Variants in EXPH5 observed in about 807,000 individuals in gnomAD.
EXPH5 encodes exophilin-5.
Under a neutral mutation model 41.1 loss-of-function variants are expected in EXPH5, and 42 were observed. That is an observed-to-expected ratio of 1.02 (90% CI 0.80 to 1.32). The LOEUF (loss-of-function observed/expected upper bound fraction) is 1.32. Ranked by LOEUF, EXPH5 falls within the 40% of genes most tolerant of loss-of-function variation. The probability of loss-of-function intolerance (pLI) is 0.00; values close to 1 mark genes in which losing one functional copy is unlikely to be tolerated. For synonymous variants in EXPH5, 798 were observed against 833.5 expected (o/e 0.96, Z 0.73); for missense variants, 2,298 against 2,314.5 (o/e 0.99, Z 0.15).
At chr11:108,570,968 T>C (rs534450703) in intron 1 of EXPH5, among the ~76,000 whole-genome samples, 1 of 152,368 alleles carries the variant, frequency 6.6e-6, no homozygotes, top group South Asian at 2.1e-4. Context: ...TTTACATTTA[T>C]GTATTGTTTT....
intron 3 of EXPH5, among the ~76,000 whole-genome samples, chr11:108,537,073 A>G (rs1405107530): frequency 1.3e-5 from 2 of 152,070 alleles, no homozygotes; most frequent in African/African-American, 4.8e-5. Flanking sequence ...TTGATTTTCT[A>G]TTTCAGATCA....
chr11:108,600,474 G>C, the EXPH5 span, among the ~76,000 whole-genome samples: 1 of 152,000 alleles, frequency 6.6e-6, no homozygotes, highest in Non-Finnish European at 1.5e-5. Context: ...AATGTGACTG[G>C]CACAGTATGC....
chr11:108,541,215 A>T (rs1156290279), intron 2 of EXPH5, among the ~76,000 whole-genome samples: 1 of 152,126 alleles, frequency 6.6e-6, no homozygotes, highest in Non-Finnish European at 1.5e-5. Flanking sequence ...TGCCCAGCTT[A>T]ATACATTATA....
chr11:108,570,781 A>G (rs2094056781), intron 1 of EXPH5, among the ~76,000 whole-genome samples: 1 of 152,216 alleles, frequency 6.6e-6, no homozygotes, highest in African/African-American at 2.4e-5. Context: ...CCTGGCTTCA[A>G]GTGATCCTCC....
intron 4 of EXPH5, among the ~76,000 whole-genome samples, chr11:108,520,053 G>A (rs1227186039): frequency 6.6e-6 from 1 of 151,976 alleles, no homozygotes; most frequent in East Asian, 1.9e-4. Context: ...CTGACCCCTG[G>A]GCCACAGACC....
At chr11:108,599,068 G>A in the EXPH5 span, among the ~76,000 whole-genome samples, 1 of 152,010 alleles carries the variant, frequency 6.6e-6, no homozygotes, top group South Asian at 2.1e-4. Context: ...TTCCCAGCTA[G>A]GTGGTCAATG....
At chr11:108,538,062 G>C (rs78249165) in intron 3 of EXPH5, 46 of 985,180 alleles carry the variant, frequency 4.7e-5, no homozygotes, top group Middle Eastern at 5.2e-4. Flanking sequence ...AAACAGCCTC[G>C]GGTGAAAGCT....
intron 2 of EXPH5, among the ~76,000 whole-genome samples, chr11:108,539,490 T>A (rs2093900636): frequency 6.6e-6 from 1 of 152,204 alleles, no homozygotes; most frequent in African/African-American, 2.4e-5. Context: ...CCCCATTCAA[T>A]TCTCATGTTC....
intron 1 of EXPH5, among the ~76,000 whole-genome samples, chr11:108,553,380 T>C (rs2093976469): frequency 1.3e-5 from 2 of 152,166 alleles, no homozygotes; most frequent in South Asian, 4.1e-4. Flanking sequence ...TTACCAATAG[T>C]CACCCTCAAG....
At chr11:108,527,967 A>C (rs1591693218) in intron 4 of EXPH5, among the ~76,000 whole-genome samples, 169 bp downstream of exon 4, 1 of 152,240 alleles carries the variant, frequency 6.6e-6, no homozygotes, top group East Asian at 1.9e-4. Flanking sequence ...ATCAAAGTCA[A>C]CTGGAAGCCA....
chr11:108,557,142 A>G (rs1033493850), intron 1 of EXPH5, among the ~76,000 whole-genome samples: 3 of 152,214 alleles, frequency 2.0e-5, no homozygotes, highest in African/African-American at 7.2e-5. Flanking sequence ...TCCAAAATAG[A>G]TTATTCCTTC....
At chr11:108,578,279 C>T (rs2094086377) in intron 1 of EXPH5, among the ~76,000 whole-genome samples, 1 of 152,158 alleles carries the variant, frequency 6.6e-6, no homozygotes, top group Admixed American at 6.5e-5. Flanking sequence ...CCAGCACCAT[C>T]CATTGAAGAG....
chr11:108,571,994 T>G (rs573293922), intron 1 of EXPH5, among the ~76,000 whole-genome samples: 6 of 151,092 alleles, frequency 4.0e-5, no homozygotes, highest in Non-Finnish European at 7.4e-5. Flanking sequence ...AGCTTGCAGT[T>G]AGCCGAGATA....
intron 1 of EXPH5, among the ~76,000 whole-genome samples, chr11:108,555,137 A>C (rs180924269): frequency 6.6e-6 from 1 of 152,364 alleles, no homozygotes; most frequent in East Asian, 1.9e-4. Context: ...AGAGGAGTGC[A>C]CTGGGCAAGG....
Position 108,518,386 on chromosome 11 carries a change from C to G in EXPH5, c.493-13G>C. ...ATATTTTTGCCTGCTAATTTTAAAG[C>G]AGAGAACACAATATTATTTCTGAGC... On this transcript the variant is annotated splice_polypyrimidine_tract_variant and intron_variant, in intron 4 of 5. Transcript: ENST00000265843. 5 of 1,612,494 alleles carry G rather than the reference C, an allele frequency of 3.1e-6. No individual in the cohort carries two copies. Among genetic ancestry groups the G allele is most frequent in the Non-Finnish European group, 4.2e-6 (5 of 1,179,164 alleles).
At chr11:108,569,402 T>C (rs947568405) in intron 1 of EXPH5, among the ~76,000 whole-genome samples, 11 of 149,918 alleles carry the variant, frequency 7.3e-5, no homozygotes, top group East Asian at 1.9e-4. Context: ...TGCAATGGTG[T>C]GATCTCAGCT....
In EXPH5 at chr11:108,509,827, G is replaced by C; in HGVS notation, c.5680C>G (p.Gln1894Glu). 1 of 1,613,590 alleles carries C rather than the reference G, an allele frequency of 6.2e-7. No homozygotes were observed. Among genetic ancestry groups the C allele is most frequent in the Non-Finnish European group, 8.5e-7 (1 of 1,179,870 alleles). The change falls in exon 6 of 6, where the codon CAG (glutamine) becomes GAG (glutamate). Residue 1894 changes from glutamine to glutamate, a missense_variant. Transcript: ENST00000265843. The part of the protein sequence containing the change: ...IDYGIFGKEQ[Q>E]LAFLENVKRS... ...TTTACATTTTCTAAGAAAGCTAACT[G>C]TTGTTCTTTCCCAAAGATCCCATAG...
intron 1 of EXPH5, among the ~76,000 whole-genome samples, chr11:108,572,394 G>T (rs2094063596): frequency 7.6e-6 from 1 of 130,810 alleles, no homozygotes; most frequent in South Asian, 2.5e-4. Flanking sequence ...CCAATCTACT[G>T]CATCACTTTC....
chr11:108,522,770 T>A (rs749494561), intron 4 of EXPH5, among the ~76,000 whole-genome samples: 7 of 152,178 alleles, frequency 4.6e-5, no homozygotes, highest in African/African-American at 7.2e-5. Flanking sequence ...CTCAAAATAA[T>A]GCTCCGTGCT....
Sources: gnomAD v4.1 joint callset for allele counts (sites outside exome capture counted in the v4.1 genomes callset) on GRCh38, gnomAD v4.1.1 for gene constraint, MANE v1.5 for transcripts, NCBI Gene and HGNC (gene_info 2026-07-23, HGNC 2026-07-21) for gene names.